NPHP1: variants seen among roughly 807,000 people sequenced by gnomAD.
The protein encoded by NPHP1 is nephrocystin 1, also known as nephrocystin-1.
In NPHP1, 70 loss-of-function variants were observed where a neutral mutation model predicts 90.4. That is an observed-to-expected ratio of 0.77 (90% CI 0.64 to 0.95). The LOEUF (loss-of-function observed/expected upper bound fraction) is 0.95, where lower values mean the gene tolerates loss of function less well. Among genes scored for constraint, NPHP1 ranks in the 40% least tolerant of loss-of-function variants. The pLI, the probability that NPHP1 is intolerant of heterozygous loss-of-function variation, is 0.00. For synonymous variants in NPHP1, 256 were observed against 271.7 expected (o/e 0.94, Z 0.57); for missense variants, 764 against 795.9 (o/e 0.96, Z 0.48).
rs995292402 is a variant in NPHP1, at chr2:110,143,543, T to A, written c.1528A>T (p.Ser510Cys). 25 of 1,606,436 alleles carry A rather than the reference T, an allele frequency of 1.6e-5. No homozygotes were observed. Among genetic ancestry groups the A allele is most frequent in the Non-Finnish European group, 2.0e-5 (24 of 1,172,938 alleles). ...GGACAGGTAAAAGCAGGTACCCACCTTAGTACATTTCTTGATCTTCTGTTC... is the reference window on the plus strand; with the variant it reads ...GGACAGGTAAAAGCAGGTACCCACCATAGTACATTTCTTGATCTTCTGTTC... Reference protein sequence around the residue: ...SLNRRSRNVLSLLPETLIGNM... With the variant: ...SLNRRSRNVLCLLPETLIGNM... Residue 510 changes from serine to cysteine, a missense_variant and splice_region_variant, in exon 16 of 20, where the codon AGT becomes TGT. Ser to Cys is a moderately radical substitution (Grantham distance 112, BLOSUM62 -1). Transcript: ENST00000445609.
intron 11 of NPHP1, 71 bp from the exon 12 acceptor site, chr2:110,150,327 A>G (rs1421590376): frequency 1.4e-6 from 2 of 1,391,230 alleles, no homozygotes; most frequent in African/African-American, 1.4e-5. Flanking sequence ...CATGTCCCAA[A>G]GAGTTAACAG....
intron 2 of NPHP1, among the ~76,000 whole-genome samples, chr2:110,195,858 C>A (rs988615786): frequency 2.6e-5 from 4 of 152,076 alleles, no homozygotes; most frequent in African/African-American, 4.8e-5. Flanking sequence ...CATATATCTG[C>A]AACTATCTGA....
chr2:110,152,519 G>C lies in NPHP1; in HGVS notation c.1084-2263C>G, dbSNP rs10199183. 7.0e-3 allele frequency among the ~76,000 whole-genome samples: 1,068 copies of C among 151,678 alleles called. 11 individuals are homozygous for C. The highest frequency in any genetic ancestry group is 0.024 in the African/African-American group (1,003 of 41,290). ...GTCCAGAAGGAGCATGGGGTAGCAA[G>C]GGGCTGGATTTGTATGCTATATATC... On this transcript the variant is annotated intron_variant, in intron 11 of 19. Transcript: ENST00000445609.
At chr2:110,139,922 G>A (rs1268178237) in intron 16 of NPHP1, among the ~76,000 whole-genome samples, 6 of 152,144 alleles carry the variant, frequency 3.9e-5, no homozygotes, top group African/African-American at 1.4e-4. Flanking sequence ...AAATGGATCA[G>A]TCCTGCTTCA....
rs36125105 is a variant in NPHP1 at position 110,152,599 on chromosome 2, TAAAAAAAAA to T, written c.1084-2352_1084-2344del. Among the ~76,000 whole-genome samples, 4 of 126,036 alleles carry T rather than the reference TAAAAAAAAA, an allele frequency of 3.2e-5. No homozygotes were observed. In the East Asian group the frequency reaches 6.9e-4, roughly 22 times the overall value. 82.7% of individuals were successfully genotyped at this position (126,036 alleles called of 152,430 possible). A position where few individuals can be genotyped will look rare whatever the true frequency, so the allele number is the denominator to read the frequency against. On this transcript the variant is annotated intron_variant, in intron 11 of 19. Coordinates refer to ENST00000445609, the MANE Select transcript of NPHP1 (RefSeq NM_001128178.3). ...TATTGTTGCTGGAAGCCAGTAGGGTTAAAAAAAAAAAAAAAAAAGGTTGCCCCTGCTTCT... is the reference window on the plus strand; with the variant it reads ...TATTGTTGCTGGAAGCCAGTAGGGTTAAAAAAAAAGGTTGCCCCTGCTTCT...
At chr2:110,138,786 C>A (rs920739331) in intron 16 of NPHP1, among the ~76,000 whole-genome samples, 7 of 152,086 alleles carry the variant, frequency 4.6e-5, no homozygotes, top group African/African-American at 1.7e-4. Context: ...GGGGTGGGAA[C>A]TTCCTTCCTT....
chr2:110,152,825 T>G (rs1169523297), intron 11 of NPHP1, among the ~76,000 whole-genome samples: 1 of 151,794 alleles, frequency 6.6e-6, no homozygotes, highest in Non-Finnish European at 1.5e-5. Flanking sequence ...TGATGTACTG[T>G]TAATAAAAAC....
At chr2:110,156,774 G>T (rs1681922840) in intron 11 of NPHP1, among the ~76,000 whole-genome samples, 1 of 134,444 alleles carries the variant, frequency 7.4e-6, no homozygotes, top group African/African-American at 2.8e-5. Context: ...ATGTGTTTTG[G>T]TTTCTGTTTT....
At chr2:110,159,036 A>G (rs1682114213) in intron 11 of NPHP1, among the ~76,000 whole-genome samples, 1 of 151,996 alleles carries the variant, frequency 6.6e-6, no homozygotes, top group Non-Finnish European at 1.5e-5. Flanking sequence ...TAAGATGATC[A>G]TATGATTTTT....
At chr2:110,184,574 CT>C in intron 2 of NPHP1, 1 of 1,270,838 alleles carries the variant, frequency 7.9e-7, no homozygotes, top group Non-Finnish European at 1.1e-6. Flanking sequence ...TCTATCAGGG[CT>C]TTGCCATGCC....
At chr2:110,184,287 G>A in intron 2 of NPHP1, 2 of 597,602 alleles carry the variant, frequency 3.3e-6, no homozygotes, top group Non-Finnish European at 3.3e-6. Flanking sequence ...CACGGAGCAT[G>A]GCATTGTCAA....
At chr2:110,184,844 C>A in intron 2 of NPHP1, 1 of 703,706 alleles carries the variant, frequency 1.4e-6, no homozygotes. Flanking sequence ...TTCCCAATTC[C>A]GGGCCCCTGA....
intron 4 of NPHP1, among the ~76,000 whole-genome samples, chr2:110,173,525 A>G (rs1479168390): frequency 3.3e-5 from 5 of 152,162 alleles, no homozygotes; most frequent in African/African-American, 1.2e-4. Context: ...CCCCATACAT[A>G]TAATACCATA....
Position 110,199,411 on chromosome 2 carries a change from TA to T in NPHP1, c.143+2009del, listed in dbSNP as rs59275167. Among the ~76,000 whole-genome samples the T allele has an allele frequency of 6.8e-3, 941 of 137,384 alleles. 11 individuals are homozygous for T. Among genetic ancestry groups the T allele is most frequent in the Middle Eastern group, 0.035 (9 of 254 alleles). The allele number at this position is 137,384 out of a possible 152,430, so 90.1% of individuals were successfully genotyped here. ...ATCATGACAGAGTGAGACTCCATCT[TA>T]AAAAAAAAAAAACCAATATGACTGC... On this transcript the variant is annotated intron_variant, in intron 2 of 19. Transcript: ENST00000445609.
chr2:110,143,906 A>G, intron 15 of NPHP1: 1 of 428,608 alleles, frequency 2.3e-6, no homozygotes, highest in African/African-American at 2.0e-5. Flanking sequence ...ACTGCATCCC[A>G]GACCCCAAAC....
At chr2:110,139,204 TACACAC>T (rs35627203) in intron 16 of NPHP1, among the ~76,000 whole-genome samples, 29 of 148,532 alleles carry the variant, frequency 2.0e-4, no homozygotes, top group South Asian at 4.3e-4. Context: ...ATAGCAAATT[TACACAC>T]ACACACACAC....
chr2:110,125,317 T>G, intron 19 of NPHP1: 1 of 1,530,248 alleles, frequency 6.5e-7, no homozygotes, highest in South Asian at 1.2e-5. Context: ...GATACAGGCT[T>G]TGAGAGCTAG....
chr2:110,164,584 C>T (rs780903606), intron 8 of NPHP1, 104 bp downstream of exon 8: 7 of 1,607,926 alleles, frequency 4.4e-6, no homozygotes, highest in African/African-American at 1.3e-5. Flanking sequence ...TGCCCTGAAC[C>T]CTGTTTCAGA....
intron 16 of NPHP1, among the ~76,000 whole-genome samples, chr2:110,141,897 C>A (rs1353827360): frequency 1.4e-5 from 2 of 147,272 alleles, no homozygotes; most frequent in African/African-American, 5.0e-5. Flanking sequence ...GGCGTGAACC[C>A]GGGAGGCGGA....
Sources: gnomAD v4.1 joint callset for allele counts (sites outside exome capture counted in the v4.1 genomes callset) on GRCh38, gnomAD v4.1.1 for gene constraint, MANE v1.5 for transcripts, NCBI Gene and HGNC (gene_info 2026-07-23, HGNC 2026-07-21) for gene names.